NKAIN3: variants seen among roughly 807,000 people sequenced by gnomAD.
NKAIN3 encodes the protein sodium/potassium-transporting ATPase subunit beta-1-interacting protein 3.
A neutral mutation model predicts 30.2 loss-of-function variants in NKAIN3; 25 were observed. The observed-to-expected ratio is 0.83, with a 90% CI of 0.60 to 1.16. NKAIN3 has a LOEUF of 1.16. Among genes scored for constraint, NKAIN3 ranks in the 50% most tolerant of loss-of-function variants. The probability of loss-of-function intolerance (pLI) is 0.00; values close to 1 mark genes in which losing one functional copy is unlikely to be tolerated. For missense variants in NKAIN3, 225 were observed against 254.1 expected (o/e 0.89, Z 0.78); for synonymous variants, 91 against 89.6 (o/e 1.02, Z -0.09).
intron 1 of NKAIN3, among the ~76,000 whole-genome samples, chr8:62,393,283 G>A (rs1389911120): frequency 6.6e-6 from 1 of 151,604 alleles, no homozygotes; most frequent in Non-Finnish European, 1.5e-5. Context: ...TTTTGTGTAT[G>A]GTATGAGGAA....
At position 62,313,753 on chromosome 8, in the gene NKAIN3, A is replaced by AT. The variant is rs557636269; in HGVS notation, c.54+64631dup. Among the ~76,000 whole-genome samples, 311 of 152,274 alleles carry AT rather than the reference A, an allele frequency of 2.0e-3. 2 individuals are homozygous for AT. The highest frequency in any genetic ancestry group is 7.1e-3 in the African/African-American group (297 of 41,564). ...ACTGTGTTATAAGAATTTCAGCACC[A>AT]TTTTTCAAAGAAGACAAACAGCACA... On this transcript the variant is annotated intron_variant, in intron 1 of 6. Transcript: ENST00000623646.
At chr8:62,554,636 T>G (rs1809326682) in intron 1 of NKAIN3, among the ~76,000 whole-genome samples, 1 of 152,142 alleles carries the variant, frequency 6.6e-6, no homozygotes, top group South Asian at 2.1e-4. Context: ...ACTAGGCTAT[T>G]GGTACCTCAA....
intron 5 of NKAIN3, among the ~76,000 whole-genome samples, chr8:62,997,229 ATTTCTAGAAAT>A (rs1470787850): frequency 5.3e-5 from 8 of 152,230 alleles, no homozygotes; most frequent in Admixed American, 1.3e-4. Context: ...CTTCTGGCAC[ATTTCTAGAAAT>A]TAAGCTCCAA....
intron 3 of NKAIN3, among the ~76,000 whole-genome samples, chr8:62,738,478 A>T (rs1224791872): frequency 6.6e-6 from 1 of 151,874 alleles, no homozygotes; most frequent in Non-Finnish European, 1.5e-5. Flanking sequence ...ATGTGCCTGT[A>T]ATCCCAGCTA....
intron 1 of NKAIN3, among the ~76,000 whole-genome samples, chr8:62,457,513 G>A: frequency 6.6e-6 from 1 of 152,132 alleles, no homozygotes; most frequent in Admixed American, 6.5e-5. Flanking sequence ...CTATGACTGT[G>A]TAACTTTGAT....
At chr8:62,433,585 A>G (rs1483206526) in intron 1 of NKAIN3, among the ~76,000 whole-genome samples, 1 of 152,120 alleles carries the variant, frequency 6.6e-6, no homozygotes, top group African/African-American at 2.4e-5. Flanking sequence ...TTAGATATCT[A>G]TTACACTTTA....
intron 1 of NKAIN3, among the ~76,000 whole-genome samples, chr8:62,340,392 G>A (rs570158246): frequency 2.0e-5 from 3 of 151,890 alleles, no homozygotes; most frequent in Admixed American, 6.6e-5. Context: ...GCTTGCTTTG[G>A]GGGAGAGGAG....
chr8:62,294,042 C>A (rs780866073), intron 1 of NKAIN3, among the ~76,000 whole-genome samples: 1 of 152,174 alleles, frequency 6.6e-6, no homozygotes, highest in African/African-American at 2.4e-5. Flanking sequence ...GAGTCAGGCA[C>A]GGGATGCAAT....
chr8:62,815,738 CT>C (rs1818656711), intron 4 of NKAIN3, among the ~76,000 whole-genome samples: 1 of 152,078 alleles, frequency 6.6e-6, no homozygotes, highest in Non-Finnish European at 1.5e-5. Flanking sequence ...TAAGAGCTAT[CT>C]ATGACAAACC....
At position 62,311,166 on chromosome 8, in the gene NKAIN3, G is replaced by A. The variant is rs552289600; in HGVS notation, c.54+62039G>A. 2.7e-5 allele frequency among the ~76,000 whole-genome samples: 4 copies of A among 150,626 alleles called. No individual in the cohort carries two copies. The East Asian group carries it at 7.7e-4, about 29-fold the overall frequency. ...ACAAAAAACAAAAAAATGGAAAAGT[G>A]AAAAATCCAACATTTGATTGTTTTC... On this transcript the variant is annotated intron_variant, in intron 1 of 6. Coordinates refer to ENST00000623646, the MANE Select transcript of NKAIN3 (RefSeq NM_001304533.3).
chr8:62,539,128 A>G (rs1808760188), intron 1 of NKAIN3, among the ~76,000 whole-genome samples: 1 of 152,208 alleles, frequency 6.6e-6, no homozygotes, highest in African/African-American at 2.4e-5. Flanking sequence ...CTGTGTCCTG[A>G]AACGTGTTTA....
chr8:62,609,590 G>GCC (rs1811225775), intron 3 of NKAIN3, among the ~76,000 whole-genome samples: 2 of 152,102 alleles, frequency 1.3e-5, no homozygotes, highest in Non-Finnish European at 2.9e-5. Context: ...TCTGGGGAAA[G>GCC]AGACATAATA....
intron 4 of NKAIN3, among the ~76,000 whole-genome samples, chr8:62,872,607 GT>G (rs1820678447): frequency 6.6e-6 from 1 of 152,066 alleles, no homozygotes; most frequent in Admixed American, 6.5e-5. Flanking sequence ...GTGTGATTTT[GT>G]TTTTTTAAAT....
chr8:62,313,643 T>C (rs80225632), intron 1 of NKAIN3, among the ~76,000 whole-genome samples: 3,009 of 152,260 alleles, frequency 0.02, 99 homozygotes, highest in African/African-American at 0.066. Flanking sequence ...AAGGGATGAA[T>C]GCAAAACAGG....
chr8:62,729,521 A>G (rs1276590953), intron 3 of NKAIN3, among the ~76,000 whole-genome samples: 8 of 152,196 alleles, frequency 5.3e-5, no homozygotes, highest in Non-Finnish European at 1.0e-4. Context: ...GCTCCTTGGT[A>G]TTAACACTTG....
At chr8:62,614,634 G>A (rs1343026715) in intron 3 of NKAIN3, among the ~76,000 whole-genome samples, 1 of 152,180 alleles carries the variant, frequency 6.6e-6, no homozygotes, top group African/African-American at 2.4e-5. Context: ...AGTCCCATCT[G>A]AGAGTCAGGA....
At chr8:62,343,229 CCCTA>C (rs1815810235) in intron 1 of NKAIN3, among the ~76,000 whole-genome samples, 1 of 151,856 alleles carries the variant, frequency 6.6e-6, no homozygotes, top group Non-Finnish European at 1.5e-5. Flanking sequence ...ACTGGCTTTG[CCCTA>C]CCTGTTATGC....
intron 1 of NKAIN3, among the ~76,000 whole-genome samples, chr8:62,379,510 C>T (rs1055757588): frequency 1.3e-5 from 2 of 152,038 alleles, no homozygotes; most frequent in Non-Finnish European, 2.9e-5. Flanking sequence ...TGTGGGAGAC[C>T]CAGTGAGAGG....
chr8:62,871,392 G>A lies in NKAIN3; in HGVS notation c.472-47061G>A, dbSNP rs533897809. ...CACTCCAACCTGGGTGACAGAGCGA[G>A]ACTCTGTCTCAAAAAAAAAAAAAAA... is the stretch of plus-strand genomic sequence containing the variant. On this transcript the variant is annotated intron_variant, in intron 4 of 6. Transcript: ENST00000623646. Among the ~76,000 whole-genome samples the A allele has an allele frequency of 5.9e-5, 7 of 118,250 alleles. No individual in the cohort carries two copies. In the South Asian group the frequency reaches 2.0e-3, roughly 33 times the overall value. 77.6% of individuals were successfully genotyped at this position (118,250 alleles called of 152,430 possible).
Sources: allele counts gnomAD v4.1 joint callset (sites outside exome capture counted in the v4.1 genomes callset), GRCh38; gene constraint gnomAD v4.1.1; transcripts MANE v1.5; gene names NCBI Gene and HGNC (gene_info 2026-07-23, HGNC 2026-07-21).